The following RBFOX1 variants were observed in gnomAD, a reference collection of about 807,000 sequenced individuals.
RBFOX1 encodes the protein RNA binding fox-1 homolog 1.
RBFOX1 carries 8 observed loss-of-function variants against 57.7 expected under a neutral mutation model. The observed-to-expected ratio is 0.14, with a 90% CI of 0.08 to 0.25. The LOEUF (loss-of-function observed/expected upper bound fraction) is 0.25. Among genes scored for constraint, RBFOX1 ranks in the 10% least tolerant of loss-of-function variants. The probability of loss-of-function intolerance (pLI) is 1.00; values close to 1 mark genes in which losing one functional copy is unlikely to be tolerated. For synonymous variants in RBFOX1, 326 were observed against 222.4 expected, an observed-to-expected ratio of 1.47 and a Z score of -4.15; for missense variants, 611 against 548.5, an observed-to-expected ratio of 1.11 and a Z score of -1.14.
intron 1 of RBFOX1, among the ~76,000 whole-genome samples, chr16:6,042,958 A>G (rs1446546321): frequency 1.3e-5 from 2 of 151,910 alleles, no homozygotes; most frequent in Non-Finnish European, 2.9e-5. Flanking sequence ...GGTTGTGAAA[A>G]ATAAAATGCT....
chr16:6,531,875 G>A (rs1052254828), intron 2 of RBFOX1, among the ~76,000 whole-genome samples: 1 of 152,170 alleles, frequency 6.6e-6, no homozygotes, highest in Non-Finnish European at 1.5e-5. Context: ...GGGCTCATTG[G>A]TTGCAAGCAA....
chr16:7,687,962 T>A (rs1211785839), intron 14 of RBFOX1, among the ~76,000 whole-genome samples: 1 of 152,060 alleles, frequency 6.6e-6, no homozygotes, highest in African/African-American at 2.4e-5. Context: ...TCAAGTTAAA[T>A]GACCGGGGTG....
chr16:6,920,552 G>C (rs767706258), intron 3 of RBFOX1, among the ~76,000 whole-genome samples: 51 of 152,206 alleles, frequency 3.4e-4, no homozygotes, highest in Admixed American at 6.5e-4. Context: ...TGGCAGGCTT[G>C]AAACAACAGA....
rs2060820253 is a variant in RBFOX1 at position 7,091,352 on chromosome 16, C to T, written c.27+39254C>T. Reference sequence around the variant, plus strand: ...ACTTTATCGTTTCACACTTCATCCTCACCTTTTAAAAACTTTTTTTTTTTA... The same window carrying T: ...ACTTTATCGTTTCACACTTCATCCTTACCTTTTAAAAACTTTTTTTTTTTA... On this transcript the variant is annotated intron_variant, in intron 4 of 15. Transcript: ENST00000550418. 2.6e-5 allele frequency among the ~76,000 whole-genome samples: 4 copies of T among 151,718 alleles called. No individual in the cohort carries two copies. The South Asian group carries it at 8.3e-4, about 31-fold the overall frequency.
At chr16:5,434,653 G>A (rs2067860976) in intron 1 of RBFOX1, among the ~76,000 whole-genome samples, 1 of 152,006 alleles carries the variant, frequency 6.6e-6, no homozygotes, top group African/African-American at 2.4e-5. Context: ...TCTAAATTGT[G>A]TGCTAATAAC....
chr16:7,182,584 C>A (rs566307005), intron 4 of RBFOX1, among the ~76,000 whole-genome samples: 1 of 152,208 alleles, frequency 6.6e-6, no homozygotes, highest in African/African-American at 2.4e-5. Context: ...AACAGAAACC[C>A]AGTTTAGACT....
chr16:6,968,933 G>A (rs375728657), intron 3 of RBFOX1, among the ~76,000 whole-genome samples: 25 of 151,774 alleles, frequency 1.6e-4, no homozygotes, highest in Admixed American at 6.6e-4. Flanking sequence ...AAAGTTCCCA[G>A]TCCCACAGTG....
chr16:5,975,667 C>T (rs962018227), intron 4 of RBFOX1, among the ~76,000 whole-genome samples: 5 of 152,106 alleles, frequency 3.3e-5, no homozygotes, highest in Non-Finnish European at 5.9e-5. Flanking sequence ...ATAGTCTGTG[C>T]TCTTGCCCAT....
chr16:6,487,144 C>CTGTGTGTGTGTGTGTCTG (rs1555498828), intron 2 of RBFOX1, among the ~76,000 whole-genome samples: 23 of 140,222 alleles, frequency 1.6e-4, no homozygotes, highest in African/African-American at 5.8e-4. Context: ...TGTGGGGTTT[C>CTGTGTGTGTGTGTGTCTG]TGTGTGTGTG....
intron 4 of RBFOX1, among the ~76,000 whole-genome samples, chr16:7,135,777 A>G (rs995154124): frequency 6.6e-6 from 1 of 152,256 alleles, no homozygotes; most frequent in South Asian, 2.1e-4. Flanking sequence ...AATTAACCAC[A>G]TGTAATTATT....
intron 3 of RBFOX1, among the ~76,000 whole-genome samples, chr16:7,045,540 A>G (rs934904236): frequency 2.6e-5 from 4 of 152,234 alleles, no homozygotes; most frequent in African/African-American, 9.6e-5. Flanking sequence ...GGCACAAGTC[A>G]GAGGTCAGTA....
At chr16:5,275,235 G>A (rs1311002881) in intron 1 of RBFOX1, among the ~76,000 whole-genome samples, 1 of 152,176 alleles carries the variant, frequency 6.6e-6, no homozygotes, top group Non-Finnish European at 1.5e-5. Flanking sequence ...TGTGCAATGA[G>A]TAATGATCAA....
intron 3 of RBFOX1, among the ~76,000 whole-genome samples, chr16:6,764,393 G>A (rs1028844596): frequency 1.3e-5 from 2 of 152,148 alleles, no homozygotes; most frequent in Non-Finnish European, 2.9e-5. Flanking sequence ...AGCAGTGTCT[G>A]GTAGCCCATT....
At chr16:5,350,014 T>C (rs907238133) in intron 1 of RBFOX1, among the ~76,000 whole-genome samples, 3 of 152,226 alleles carry the variant, frequency 2.0e-5, no homozygotes, top group African/African-American at 7.2e-5. Flanking sequence ...TTCACAGTCA[T>C]TTCTGTGGTG....
intron 1 of RBFOX1, among the ~76,000 whole-genome samples, chr16:5,458,693 G>A (rs1287878595): frequency 6.6e-6 from 1 of 152,140 alleles, no homozygotes; most frequent in East Asian, 1.9e-4. Context: ...TGGGTTTTAA[G>A]GAATTTTAAG....
At chr16:6,009,908 C>T (rs1410068178) in intron 4 of RBFOX1, among the ~76,000 whole-genome samples, 1 of 151,864 alleles carries the variant, frequency 6.6e-6, no homozygotes, top group Non-Finnish European at 1.5e-5. Flanking sequence ...AGCATGGAGC[C>T]CAGCATCTGG....
chr16:5,826,227 C>G (rs999012803), intron 3 of RBFOX1, among the ~76,000 whole-genome samples: 28 of 150,972 alleles, frequency 1.9e-4, no homozygotes, highest in African/African-American at 6.3e-4. Context: ...ATTACTTACT[C>G]ATTTACAAAC....
At chr16:7,134,972 A>G (rs1322581519) in intron 4 of RBFOX1, among the ~76,000 whole-genome samples, 1 of 151,250 alleles carries the variant, frequency 6.6e-6, no homozygotes, top group Non-Finnish European at 1.5e-5. Flanking sequence ...AGAGAGAGAG[A>G]TGAATTATCC....
chr16:6,834,997 A>C (rs1029890573), intron 3 of RBFOX1, among the ~76,000 whole-genome samples: 3 of 148,724 alleles, frequency 2.0e-5, no homozygotes, highest in African/African-American at 7.5e-5. Flanking sequence ...GGTTCACGCC[A>C]TTCTCCTGCC....
Sources: allele counts gnomAD v4.1 joint callset (sites outside exome capture counted in the v4.1 genomes callset), GRCh38; gene constraint gnomAD v4.1.1; transcripts MANE v1.5; gene names NCBI Gene and HGNC (gene_info 2026-07-23, HGNC 2026-07-21).